The following GRIP1 variants were observed in gnomAD, a reference collection of about 807,000 sequenced individuals.
GRIP1 encodes glutamate receptor interacting protein 1.
GRIP1 carries 45 observed loss-of-function variants against 129.9 expected under a neutral mutation model. The observed-to-expected ratio is 0.35, with a 90% CI of 0.27 to 0.44. GRIP1 has a LOEUF of 0.44. Ranked by LOEUF, GRIP1 falls within the 20% of genes least tolerant of loss-of-function variation. GRIP1 has a pLI of 1.00. For missense variants in GRIP1, 1,196 were observed against 1,396.8 expected (o/e 0.86, Z 2.29); for synonymous variants, 530 against 520.8 (o/e 1.02, Z -0.24).
intron 1 of GRIP1, among the ~76,000 whole-genome samples, chr12:66,890,525 G>T (rs747079146): frequency 2.6e-5 from 4 of 152,206 alleles, no homozygotes; most frequent in Non-Finnish European, 5.9e-5. Context: ...GAGTAATGCT[G>T]TTAAAGAACT....
chr12:66,638,784 TC>T (rs2031652781), intron 1 of GRIP1, among the ~76,000 whole-genome samples: 1 of 152,282 alleles, frequency 6.6e-6, no homozygotes, highest in Admixed American at 6.5e-5. Flanking sequence ...CAGCTTTACA[TC>T]CCATAGCTTT....
At chr12:66,699,620 C>T (rs2035282063) in intron 1 of GRIP1, among the ~76,000 whole-genome samples, 1 of 152,140 alleles carries the variant, frequency 6.6e-6, no homozygotes, top group South Asian at 2.1e-4. Context: ...GTTCATTAAG[C>T]CTCTTTCAGT....
intron 5 of GRIP1, among the ~76,000 whole-genome samples, chr12:66,521,682 G>A (rs899479784): frequency 9.2e-5 from 14 of 152,304 alleles, no homozygotes; most frequent in South Asian, 6.2e-4. Context: ...CGCACCGGGC[G>A]CGAGCCAAAG....
intron 1 of GRIP1, among the ~76,000 whole-genome samples, chr12:66,606,576 T>C (rs2064540806): frequency 6.6e-6 from 1 of 152,202 alleles, no homozygotes; most frequent in African/African-American, 2.4e-5. Context: ...AAATCCTTTA[T>C]ATGTATAATC....
At chr12:66,879,791 G>A (rs1264484900) in intron 1 of GRIP1, among the ~76,000 whole-genome samples, 2 of 152,028 alleles carry the variant, frequency 1.3e-5, no homozygotes, top group East Asian at 3.9e-4. Flanking sequence ...ACTGCTGTAG[G>A]TACAACAGTA....
intron 1 of GRIP1, among the ~76,000 whole-genome samples, chr12:67,040,255 T>C (rs1326103243): frequency 1.4e-5 from 2 of 144,944 alleles, no homozygotes; most frequent in African/African-American, 5.0e-5. Context: ...AGCTCTGGCA[T>C]CGTGTGGGCA....
chr12:66,653,331 G>T (rs2032933394), intron 1 of GRIP1, among the ~76,000 whole-genome samples: 2 of 152,052 alleles, frequency 1.3e-5, no homozygotes, highest in Admixed American at 1.3e-4. Context: ...TAAACATTAG[G>T]TGCCCCTGTA....
intron 1 of GRIP1, among the ~76,000 whole-genome samples, chr12:66,779,011 T>C (rs1034639846): frequency 6.6e-5 from 10 of 152,244 alleles, no homozygotes; most frequent in African/African-American, 1.9e-4. Flanking sequence ...GCTGGCCACA[T>C]AGCTTTGGGA....
At chr12:67,000,586 G>A (rs2135680355) in intron 1 of GRIP1, among the ~76,000 whole-genome samples, 1 of 152,304 alleles carries the variant, frequency 6.6e-6, no homozygotes, top group Middle Eastern at 3.4e-3. Context: ...AATTTAGATT[G>A]TTCTGTCTCC....
intron 1 of GRIP1, among the ~76,000 whole-genome samples, chr12:66,784,228 C>T (rs982466734): frequency 5.3e-5 from 8 of 152,014 alleles, no homozygotes; most frequent in African/African-American, 1.7e-4. Flanking sequence ...ATGATAAATA[C>T]GTGGCCTACT....
chr12:66,774,364 T>C (rs977527958), intron 1 of GRIP1, among the ~76,000 whole-genome samples: 1 of 152,160 alleles, frequency 6.6e-6, no homozygotes, highest in East Asian at 1.9e-4. Flanking sequence ...CTACAGTTTA[T>C]ATAGACAGAA....
intron 5 of GRIP1, among the ~76,000 whole-genome samples, chr12:66,525,631 T>G (rs1362607835): frequency 6.6e-6 from 1 of 151,680 alleles, no homozygotes; most frequent in African/African-American, 2.4e-5. Flanking sequence ...AAGACAGGGA[T>G]GCCCTCTCTC....
At chr12:66,889,116 A>C (rs565105085) in intron 1 of GRIP1, among the ~76,000 whole-genome samples, 23 of 152,334 alleles carry the variant, frequency 1.5e-4, no homozygotes, top group Admixed American at 4.6e-4. Flanking sequence ...TCTCTATTGT[A>C]AGTCTAGTTG....
At chr12:66,855,697 C>T (rs1354254698) in intron 1 of GRIP1, among the ~76,000 whole-genome samples, 1 of 151,874 alleles carries the variant, frequency 6.6e-6, no homozygotes, top group Admixed American at 6.6e-5. Flanking sequence ...CTCATTATCC[C>T]CAATGCTAAT....
chr12:66,805,782 A>G (rs1051153546), upstream of GRIP1, among the ~76,000 whole-genome samples: 10 of 152,202 alleles, frequency 6.6e-5, no homozygotes, highest in African/African-American at 2.4e-4. Context: ...AACATATCAC[A>G]TCTAAAATAT....
chr12:66,401,598 G>GTATATATATA lies in GRIP1; in HGVS notation c.1984+4675_1984+4684dup, dbSNP rs1555177931. Among the ~76,000 whole-genome samples the GTATATATATA allele has an allele frequency of 4.7e-3, 310 of 66,240 alleles. 7 individuals are homozygous for GTATATATATA. Among genetic ancestry groups the GTATATATATA allele is most frequent in the South Asian group, 0.015 (23 of 1,564 alleles). 43.5% of individuals were successfully genotyped at this position (66,240 alleles called of 152,430 possible). ...CCGTCTCAAAAAAAAAAATATGTGT[G>GTATATATATA]TATATATATATACACACACACACAC... On this transcript the variant is annotated intron_variant, in intron 16 of 24. Transcript: ENST00000359742.
chr12:66,845,794 A>G (rs1440731769), intron 1 of GRIP1, among the ~76,000 whole-genome samples: 2 of 152,202 alleles, frequency 1.3e-5, no homozygotes, highest in East Asian at 3.9e-4. Flanking sequence ...AAGACAGAAA[A>G]GCCTGAACAA....
At chr12:66,414,216 T>G (rs1320688426) in intron 15 of GRIP1, among the ~76,000 whole-genome samples, 1 of 152,160 alleles carries the variant, frequency 6.6e-6, no homozygotes, top group African/African-American at 2.4e-5. Context: ...GCCCAAAAGC[T>G]TCTTAAGCTA....
At chr12:66,804,649 G>A (rs141416925), upstream of GRIP1, among the ~76,000 whole-genome samples, 422 of 152,224 alleles carry the variant, frequency 2.8e-3, 6 homozygotes, top group African/African-American at 9.6e-3. Flanking sequence ...GAGGGCCGGG[G>A]AAACACATTA....
Sources: allele counts gnomAD v4.1 joint callset (sites outside exome capture counted in the v4.1 genomes callset), GRCh38; gene constraint gnomAD v4.1.1; transcripts MANE v1.5; gene names NCBI Gene and HGNC (gene_info 2026-07-23, HGNC 2026-07-21).